CFAP61: variants seen among roughly 807,000 people sequenced by gnomAD.
The protein encoded by CFAP61 is cilia- and flagella-associated protein 61.
Under a neutral mutation model 135.6 loss-of-function variants are expected in CFAP61, and 107 were observed. The observed-to-expected ratio is 0.79, with a 90% CI of 0.67 to 0.93. The LOEUF is 0.93. Ranked by LOEUF, CFAP61 falls within the 40% of genes least tolerant of loss-of-function variation. The pLI is 0.00. For missense variants in CFAP61, 1,507 were observed against 1,556.2 expected, an observed-to-expected ratio of 0.97 and a Z score of 0.53; for synonymous variants, 575 against 578.5, an observed-to-expected ratio of 0.99 and a Z score of 0.09.
At chr20:20,352,030 T>C (rs2058853502) in intron 26 of CFAP61, among the ~76,000 whole-genome samples, 1 of 152,124 alleles carries the variant, frequency 6.6e-6, no homozygotes, top group Admixed American at 6.5e-5. Flanking sequence ...TGTGTATTAG[T>C]CCATTTTCGC....
intron 8 of CFAP61, among the ~76,000 whole-genome samples, chr20:20,111,105 AATTT>A (rs1204039097): frequency 6.6e-6 from 1 of 152,220 alleles, no homozygotes; most frequent in Non-Finnish European, 1.5e-5. Context: ...TGAAATATAG[AATTT>A]ATAATCACCC....
At chr20:20,134,788 A>G (rs776225537) in intron 8 of CFAP61, among the ~76,000 whole-genome samples, 3 of 152,162 alleles carry the variant, frequency 2.0e-5, no homozygotes, top group Admixed American at 6.6e-5. Context: ...GGATTATTTG[A>G]TGAAGATGCT....
At chr20:20,241,715 A>G (rs1477203578) in intron 18 of CFAP61, among the ~76,000 whole-genome samples, 3 of 152,182 alleles carry the variant, frequency 2.0e-5, no homozygotes, top group African/African-American at 7.2e-5. Context: ...TATTGGTGTA[A>G]CATAAACCAC....
At chr20:20,132,039 G>A (rs921328863) in intron 8 of CFAP61, among the ~76,000 whole-genome samples, 2 of 151,964 alleles carry the variant, frequency 1.3e-5, no homozygotes, top group Admixed American at 6.6e-5. Context: ...CTTATCTTGT[G>A]TAAATGAAAG....
rs578224466 is a variant in CFAP61, at chr20:20,089,386, T to C, written c.567-1458T>C. 7.8e-3 allele frequency among the ~76,000 whole-genome samples: 1,162 copies of C among 148,246 alleles called. 13 individuals carry two copies. The highest frequency in any genetic ancestry group is 0.027 in the African/African-American group (1,102 of 40,554). On this transcript the variant is annotated intron_variant, in intron 6 of 26. Coordinates refer to ENST00000245957, the MANE Select transcript of CFAP61 (RefSeq NM_015585.4). Reference sequence around the variant, plus strand: ...AATCATCTGGATAAAGCCCTGAGCTTTATATATATATATATATACTGATCA... The same window carrying C: ...AATCATCTGGATAAAGCCCTGAGCTCTATATATATATATATATACTGATCA...
At chr20:20,143,752 G>T (rs531913184) in intron 9 of CFAP61, among the ~76,000 whole-genome samples, 1 of 152,192 alleles carries the variant, frequency 6.6e-6, no homozygotes, top group Non-Finnish European at 1.5e-5. Flanking sequence ...GCAGACTAGA[G>T]TGACTAAAGT....
At chr20:20,104,031 G>A (rs1451616066) in intron 8 of CFAP61, among the ~76,000 whole-genome samples, 1 of 152,126 alleles carries the variant, frequency 6.6e-6, no homozygotes, top group African/African-American at 2.4e-5. Context: ...TATATACCCA[G>A]GGCCCACCTT....
At chr20:20,217,594 G>T (rs898220501) in intron 17 of CFAP61, among the ~76,000 whole-genome samples, 1 of 152,210 alleles carries the variant, frequency 6.6e-6, no homozygotes, top group African/African-American at 2.4e-5. Flanking sequence ...CGTTGTTCTA[G>T]CAAATGAACC....
At chr20:20,308,140 A>G (rs906611161) in intron 25 of CFAP61, among the ~76,000 whole-genome samples, 6 of 152,200 alleles carry the variant, frequency 3.9e-5, no homozygotes, top group Non-Finnish European at 7.3e-5. Flanking sequence ...AGCGGAGAAT[A>G]GAGCATTTCC....
At chr20:20,090,710 A>AGGT in intron 6 of CFAP61, 134 bp from the exon 7 acceptor site, 1 of 654,774 alleles carries the variant, frequency 1.5e-6, no homozygotes, top group Non-Finnish European at 2.4e-6. Flanking sequence ...AAAAAAAAAA[A>AGGT]AAGAAGGAAA....
intron 17 of CFAP61, among the ~76,000 whole-genome samples, chr20:20,219,396 T>C (rs2048251393): frequency 6.6e-6 from 1 of 152,210 alleles, no homozygotes; most frequent in South Asian, 2.1e-4. Context: ...CTCTTTGCTG[T>C]ATAGTTTAAG....
intron 21 of CFAP61, 60 bp downstream of exon 21, chr20:20,263,190 T>C: frequency 8.1e-7 from 1 of 1,229,522 alleles, no homozygotes; most frequent in Non-Finnish European, 1.1e-6. Flanking sequence ...ATAATGAGTC[T>C]CATTCTTCAT....
chr20:20,359,229 T>C lies in CFAP61; in HGVS notation c.3514-981T>C, dbSNP rs1569337822. The stretch of plus-strand genomic sequence containing the variant: ...AGCCCTACCTTTTTAAATATATCAA[T>C]AAAATTTGACTTGATTGTGAATTTA... On this transcript the variant is annotated intron_variant, in intron 26 of 26. Coordinates refer to ENST00000245957, the MANE Select transcript of CFAP61 (RefSeq NM_015585.4). The surrounding 1 kb of genome is among the most constrained non-coding windows in gnomAD (Gnocchi z 4.0). Among the ~76,000 whole-genome samples the C allele has an allele frequency of 6.6e-6, 1 of 152,236 alleles. No homozygotes were observed. Among genetic ancestry groups the C allele is most frequent in the African/African-American group, 2.4e-5 (1 of 41,460 alleles).
chr20:20,210,822 C>A (rs1257221044), intron 17 of CFAP61, among the ~76,000 whole-genome samples: 3 of 152,124 alleles, frequency 2.0e-5, no homozygotes, highest in Non-Finnish European at 1.5e-5. Flanking sequence ...TTAATAAATT[C>A]TAGTTTTACA....
intron 17 of CFAP61, among the ~76,000 whole-genome samples, chr20:20,206,119 A>G (rs1206462355): frequency 6.6e-6 from 1 of 152,194 alleles, no homozygotes; most frequent in Non-Finnish European, 1.5e-5. Context: ...GATATGATAG[A>G]GAAGAAACTG....
chr20:20,267,311 G>A (rs983800104), intron 21 of CFAP61, among the ~76,000 whole-genome samples: 1 of 152,214 alleles, frequency 6.6e-6, no homozygotes, highest in African/African-American at 2.4e-5. Flanking sequence ...AGAGGCATGG[G>A]CAGGGACAGA....
chr20:20,306,741 G>T (rs370188455), intron 25 of CFAP61, among the ~76,000 whole-genome samples: 2 of 152,120 alleles, frequency 1.3e-5, no homozygotes, highest in Admixed American at 1.3e-4. Context: ...TTCCAGGCAG[G>T]CAGAGGAAGG....
chr20:20,061,522 A>G (rs746221442), intron 2 of CFAP61, among the ~76,000 whole-genome samples: 3 of 152,240 alleles, frequency 2.0e-5, no homozygotes, highest in Non-Finnish European at 2.9e-5. Context: ...TAGTATTGCT[A>G]TATCAACAGC....
intron 22 of CFAP61, among the ~76,000 whole-genome samples, chr20:20,286,820 G>T (rs2054617171): frequency 6.6e-6 from 1 of 152,138 alleles, no homozygotes; most frequent in South Asian, 2.1e-4. Context: ...AAACATTACT[G>T]CAATACTGGT....
Sources: gnomAD v4.1 joint callset for allele counts (sites outside exome capture counted in the v4.1 genomes callset) on GRCh38, gnomAD v4.1.1 for gene constraint, Gnocchi (gnomAD v3.1) non-coding constraint, MANE v1.5 for transcripts, NCBI Gene and HGNC (gene_info 2026-07-23, HGNC 2026-07-21) for gene names.